SNX19: variants seen among roughly 807,000 people sequenced by gnomAD.
The protein encoded by SNX19 is sorting nexin-19.
In SNX19, 60 loss-of-function variants were observed where a neutral mutation model predicts 85.2. That is an observed-to-expected ratio of 0.70 (90% CI 0.57 to 0.87). SNX19 has a LOEUF of 0.87. Among genes scored for constraint, SNX19 ranks in the 40% least tolerant of loss-of-function variants. The pLI, the probability that SNX19 is intolerant of heterozygous loss-of-function variation, is 0.00. For synonymous variants in SNX19, 520 were observed against 470.0 expected, an observed-to-expected ratio of 1.11 and a Z score of -1.38; for missense variants, 1,201 against 1,217.8, an observed-to-expected ratio of 0.99 and a Z score of 0.21.
intron 8 of SNX19, chr11:130,893,671 T>C: frequency 3.2e-6 from 2 of 632,780 alleles, no homozygotes; most frequent in Admixed American, 2.6e-5. Flanking sequence ...GCACTGACTA[T>C]GGGTAGAAAA....
In SNX19 at chr11:130,915,646, C is replaced by T; in HGVS notation, c.294G>A (p.Leu98=). The T allele has an allele frequency of 1.2e-6, 2 of 1,614,266 alleles. No homozygotes were observed. The highest frequency in any genetic ancestry group is 1.3e-5 in the African/African-American group (1 of 75,068). Reference sequence around the variant, plus strand: ...GGATGGTGCGGTTGATCTCCCGTTCCAGCTGCCTTTCTGCCTCAGGGCATG... The same window carrying T: ...GGATGGTGCGGTTGATCTCCCGTTCTAGCTGCCTTTCTGCCTCAGGGCATG... ...CPPCPEAERQ[L]EREINRTIQM... Residue 98 remains leucine (L), a synonymous_variant, in exon 1 of 11, where the codon CTG becomes CTA. Transcript: ENST00000265909.
Position 130,914,674 on chromosome 11 carries a change from T to C in SNX19, c.1266A>G (p.Ala422=). Reference sequence around the variant, plus strand: ...CTGTCCCTGGACCCTCCTCAGCCTCTGCTCCTTCAGATGCCTCACCATCTT... The same window carrying C: ...CTGTCCCTGGACCCTCCTCAGCCTCCGCTCCTTCAGATGCCTCACCATCTT... ...EPKDGEASEG[A]EAEEGPGTET... Residue 422 remains alanine, a synonymous_variant, in exon 1 of 11, where the codon GCA becomes GCG. Transcript: ENST00000265909. 2 of 1,613,976 alleles carry C rather than the reference T, an allele frequency of 1.2e-6. No homozygotes were observed. The highest frequency in any genetic ancestry group is 1.7e-5 in the Admixed American group (1 of 60,014).
At chr11:130,905,830 C>G (rs1945621338) in intron 7 of SNX19, 123 bp downstream of exon 7, 1 of 1,560,522 alleles carries the variant, frequency 6.4e-7, no homozygotes, top group African/African-American at 1.4e-5. Context: ...CACTGGAGTT[C>G]AACACATGGC....
At chr11:130,903,068 A>G in intron 8 of SNX19, 187 bp downstream of exon 8, 1 of 687,760 alleles carries the variant, frequency 1.5e-6, no homozygotes, top group Non-Finnish European at 2.3e-6. Flanking sequence ...TTACTTTCAA[A>G]TTGTAGACAA....
At chr11:130,895,492 G>A (rs6590526) in intron 8 of SNX19, among the ~76,000 whole-genome samples, 94,204 of 151,956 alleles carry the variant, frequency 0.62, 29,681 homozygotes, top group South Asian at 0.8. Flanking sequence ...TAAATAAGAC[G>A]CAGTCCCTGC....
rs1283570872 is a variant in SNX19 at position 130,877,893 on chromosome 11, T to G, written c.*529A>C. ...TCTTCCCTCCTTCTTCTTCTGGAAC[T>G]GTTGGGAAACTAGATTAGACCCAGG... On this transcript the variant is annotated 3_prime_UTR_variant, in exon 11 of 11. Transcript: ENST00000265909. 2 of 152,352 alleles carry G rather than the reference T, an allele frequency of 1.3e-5. No individual in the cohort carries two copies. The highest frequency in any genetic ancestry group is 2.9e-5 in the Non-Finnish European group (2 of 68,058). The allele number at this position is 152,352 out of a possible 1,614,324, so 9.4% of individuals were successfully genotyped here. A position where few individuals can be genotyped will look rare whatever the true frequency, so the allele number is the denominator to read the frequency against.
At chr11:130,912,529 C>T (rs768109165) in intron 1 of SNX19, among the ~76,000 whole-genome samples, 18 of 152,142 alleles carry the variant, frequency 1.2e-4, no homozygotes, top group Admixed American at 7.9e-4. Context: ...CACAATGAAA[C>T]GCTGTGGGAG....
intron 8 of SNX19, among the ~76,000 whole-genome samples, chr11:130,891,696 G>C (rs1429094849): frequency 6.6e-6 from 1 of 152,096 alleles, no homozygotes; most frequent in Non-Finnish European, 1.5e-5. Flanking sequence ...CAAAGGTCAG[G>C]TTACCTTTCT....
intron 8 of SNX19, among the ~76,000 whole-genome samples, chr11:130,902,406 T>A (rs1170006085): frequency 2.0e-5 from 3 of 152,244 alleles, no homozygotes; most frequent in African/African-American, 7.2e-5. Context: ...TGGTAAAGAA[T>A]AGATACATAA....
chr11:130,880,555 G>T, intron 9 of SNX19, 67 bp downstream of exon 9: 3 of 1,413,762 alleles, frequency 2.1e-6, no homozygotes, highest in Non-Finnish European at 2.9e-6. Flanking sequence ...AGGTGCAGGG[G>T]TAATGGTGGC....
chr11:130,889,238 G>A (rs10894276), intron 8 of SNX19, among the ~76,000 whole-genome samples: 18,181 of 151,910 alleles, frequency 0.12, 1,266 homozygotes, highest in East Asian at 0.29. Flanking sequence ...CCCTCTTTCT[G>A]TTTTTAAAAT....
intron 8 of SNX19, among the ~76,000 whole-genome samples, chr11:130,893,239 A>C (rs1219501532): frequency 6.6e-6 from 1 of 152,140 alleles, no homozygotes; most frequent in African/African-American, 2.4e-5. Context: ...CTGACCTCCA[A>C]ATTTCTGCAA....
chr11:130,906,051 G>C lies in SNX19; in HGVS notation c.2345C>G (p.Ala782Gly). 1.2e-6 allele frequency: 2 copies of C among 1,614,186 alleles called. No homozygotes were observed. The highest frequency in any genetic ancestry group is 1.7e-6 in the Non-Finnish European group (2 of 1,180,034). ...AGGTTGTTCAGGATCTTTTTCTGGG[G>C]CTTTTGTTGGCTGCATTTCCAGTAA... Reference protein sequence around the residue: ...TKLLEMQPTKAPEKDPEQPPK... With the variant: ...TKLLEMQPTKGPEKDPEQPPK... Residue 782 changes from alanine (A) to glycine (G), a missense_variant, in exon 7 of 11, where the codon GCC (alanine) becomes GGC (glycine). Ala to Gly is a moderately conservative substitution (Grantham distance 60, BLOSUM62 0). This residue lies in a region of SNX19 where 285 missense variants were observed against 295.3 expected (regional missense o/e 0.97). Coordinates refer to ENST00000265909, the MANE Select transcript of SNX19 (RefSeq NM_014758.3).
Position 130,914,967 on chromosome 11 carries a change from G to A in SNX19, c.973C>T (p.Pro325Ser), listed in dbSNP as rs940516623. 3 of 1,614,010 alleles carry A rather than the reference G, an allele frequency of 1.9e-6. No individual in the cohort carries two copies. The highest frequency in any genetic ancestry group is 2.5e-6 in the Non-Finnish European group (3 of 1,180,010). The change falls in exon 1 of 11, where the codon CCC becomes TCC. Residue 325 changes from proline (P) to serine (S), a missense_variant. Physicochemically the swap from Pro to Ser is moderately conservative, Grantham distance 74 (BLOSUM62 -1). Coordinates refer to ENST00000265909, the MANE Select transcript of SNX19 (RefSeq NM_014758.3). ...SYSEPEGSAG[P>S]SPEVEEGHEA... The stretch of plus-strand genomic sequence containing the variant: ...TGGCCTTCTTCAACCTCTGGAGAGG[G>A]GCCTGCAGAACCCTCTGGCTCACTG...
intron 6 of SNX19, 53 bp downstream of exon 6, chr11:130,906,572 G>T: frequency 7.9e-7 from 1 of 1,269,500 alleles, no homozygotes. Flanking sequence ...TGTAACTGCA[G>T]GACCAACATC....
intron 8 of SNX19, 128 bp downstream of exon 8, chr11:130,903,127 C>A: frequency 7.5e-7 from 1 of 1,335,800 alleles, no homozygotes; most frequent in Non-Finnish European, 1.0e-6. Flanking sequence ...ATTTTTCATC[C>A]CTGTAACCCC....
chr11:130,905,774 G>C, intron 7 of SNX19, 179 bp downstream of exon 7: 2 of 1,537,908 alleles, frequency 1.3e-6, no homozygotes, highest in Non-Finnish European at 1.7e-6. Flanking sequence ...TTCCGCTGTG[G>C]CAACTATGTA....
At position 130,879,633 on chromosome 11, in the gene SNX19, AG is replaced by A. The variant is rs748354054; in HGVS notation, c.2836del (p.Leu946SerfsTer6). On this transcript the variant is annotated frameshift_variant, in exon 10 of 11. Coordinates refer to ENST00000265909, the MANE Select transcript of SNX19 (RefSeq NM_014758.3). LOFTEE classifies it high-confidence loss of function. Reference sequence around the variant, plus strand: ...ACATTTTCCCACTTACCTGTTGATGAGGGGTTGTTGTAGTGACTCCAGGACT... The same window carrying A: ...ACATTTTCCCACTTACCTGTTGATGAGGGTTGTTGTAGTGACTCCAGGACT... ...GLVLESLQQP[L>X]INRHLIYCLG... The A allele has an allele frequency of 6.2e-7, 1 of 1,613,856 alleles. No individual in the cohort carries two copies. The highest frequency in any genetic ancestry group is 1.1e-5 in the South Asian group (1 of 91,078).
rs144761335 is a variant in SNX19 at position 130,914,553 on chromosome 11, C to T, written c.1387G>A (p.Ala463Thr). Residue 463 changes from alanine to threonine, a missense_variant, in exon 1 of 11, where the codon GCC becomes ACC. Around this residue, in one of 3 missense-constraint regions of SNX19, gnomAD observed 791 missense variants for 750.9 expected, o/e 1.05. Transcript: ENST00000265909. ...DKEIEQGDVT[A>T]SVTALLEGPE... Reference sequence around the variant, plus strand: ...CCCTCCAGCAAAGCTGTAACAGAGGCGGTAACATCTCCTTGTTCTATCTCC... The same window carrying T: ...CCCTCCAGCAAAGCTGTAACAGAGGTGGTAACATCTCCTTGTTCTATCTCC... 1.5e-5 allele frequency: 24 copies of T among 1,613,804 alleles called. No homozygotes were observed. The highest frequency in any genetic ancestry group is 9.9e-5 in the South Asian group (9 of 91,074).
Sources: allele counts gnomAD v4.1 joint callset (sites outside exome capture counted in the v4.1 genomes callset), GRCh38; gene constraint gnomAD v4.1.1; regional missense constraint gnomAD v4.1.1; transcripts MANE v1.5; gene names NCBI Gene and HGNC (gene_info 2026-07-23, HGNC 2026-07-21).